The following SLC27A1 variants were observed in gnomAD, a reference collection of about 807,000 sequenced individuals.
SLC27A1 encodes long-chain fatty acid transport protein 1.
Under a neutral mutation model 62.2 loss-of-function variants are expected in SLC27A1, and 61 were observed. That is an observed-to-expected ratio of 0.98 (90% CI 0.80 to 1.21). The LOEUF (loss-of-function observed/expected upper bound fraction) is 1.21. Among genes scored for constraint, SLC27A1 ranks in the 50% most tolerant of loss-of-function variants. SLC27A1 has a pLI of 0.00. For missense variants in SLC27A1, 903 were observed against 932.1 expected, an observed-to-expected ratio of 0.97 and a Z score of 0.41; for synonymous variants, 435 against 408.6, an observed-to-expected ratio of 1.06 and a Z score of -0.78.
At chr19:17,476,537 C>CAAAA (rs11332045) in intron 1 of SLC27A1, among the ~76,000 whole-genome samples, 1 of 96,062 alleles carries the variant, frequency 1.0e-5, no homozygotes, top group Non-Finnish European at 2.2e-5. Flanking sequence ...GACTCTGTCT[C>CAAAA]AAAAAAAAAA....
At chr19:17,473,135 G>A (rs150130413) in intron 1 of SLC27A1, among the ~76,000 whole-genome samples, 8 of 152,000 alleles carry the variant, frequency 5.3e-5, no homozygotes, top group Middle Eastern at 6.8e-3. Context: ...GTTCTGCCAC[G>A]TTGCCCAGGC....
Position 17,477,240 on chromosome 19 carries a change from C to CTTTTTTTTT in SLC27A1, c.167+6549_167+6557dup, listed in dbSNP as rs1221324202. On this transcript the variant is annotated intron_variant, in intron 1 of 11. Transcript: ENST00000252595. The stretch of plus-strand genomic sequence containing the variant: ...TTATTGGTTGAATGGATGAGCAGCG[C>CTTTTTTTTT]TTTTTTTTTTTTTTTTTTTTTTTTG... Among the ~76,000 whole-genome samples, 296 of 43,820 alleles carry CTTTTTTTTT rather than the reference C, an allele frequency of 6.8e-3. 46 individuals carry two copies. The highest frequency in any genetic ancestry group is 7.6e-3 in the Non-Finnish European group (190 of 24,868). 28.7% of individuals were successfully genotyped at this position (43,820 alleles called of 152,430 possible).
At chr19:17,487,378 A>ACC in intron 3 of SLC27A1, 43 bp downstream of exon 3, 3 of 1,520,670 alleles carry the variant, frequency 2.0e-6, no homozygotes, top group Non-Finnish European at 2.7e-6. Flanking sequence ...CTGGTTTCCT[A>ACC]CCCGCCCAGG....
intron 10 of SLC27A1, 59 bp downstream of exon 10, chr19:17,500,935 A>G: frequency 6.6e-7 from 1 of 1,504,170 alleles, no homozygotes; most frequent in East Asian, 2.3e-5. Flanking sequence ...CTCAGCCAAA[A>G]GGGGCTTAGA....
At position 17,499,853 on chromosome 19, in the gene SLC27A1, G is replaced by A. The variant is rs1445706295; in HGVS notation, c.1207-425G>A. The A allele has an allele frequency of 3.6e-5, 6 of 165,412 alleles. No homozygotes were observed. In the East Asian group the frequency reaches 7.2e-4, roughly 20 times the overall value. The allele number at this position is 165,412 out of a possible 1,614,324, so 10.2% of individuals were successfully genotyped here. A position where few individuals can be genotyped will look rare whatever the true frequency, so the allele number is the denominator to read the frequency against. ...AGGAAGGGAGGAACGGAGGAAGGGG[G>A]AAAAGCAGAAAGAAACACACCAGAC... is the stretch of plus-strand genomic sequence containing the variant. On this transcript the variant is annotated intron_variant, in intron 7 of 11. Coordinates refer to ENST00000252595, the MANE Select transcript of SLC27A1 (RefSeq NM_198580.3).
intron 6 of SLC27A1, among the ~76,000 whole-genome samples, chr19:17,493,628 CTTT>C (rs773482808): frequency 7.0e-6 from 1 of 143,660 alleles, no homozygotes. Flanking sequence ...TAGAACCTTA[CTTT>C]TTTTTTTTTT....
At position 17,489,018 on chromosome 19, in the gene SLC27A1, C is replaced by T. The variant is rs923987157; in HGVS notation, c.897C>T (p.Ile299=). 2.4e-5 allele frequency: 38 copies of T among 1,614,022 alleles called. No homozygotes were observed. The highest frequency in any genetic ancestry group is 3.0e-5 in the Non-Finnish European group (35 of 1,180,016). The change falls in exon 6 of 12, where the codon ATC becomes ATT. Residue 299 remains isoleucine, a synonymous_variant. Coordinates refer to ENST00000252595, the MANE Select transcript of SLC27A1 (RefSeq NM_198580.3). The part of the protein sequence containing the change: ...LPLYHSAGNI[I]GVGQCLIYGL... Reference sequence around the variant, plus strand: ...GGCCACCCTCTGCAGGAAACATCATCGGCGTGGGGCAGTGTCTCATCTATG... The same window carrying T: ...GGCCACCCTCTGCAGGAAACATCATTGGCGTGGGGCAGTGTCTCATCTATG...
intron 6 of SLC27A1, among the ~76,000 whole-genome samples, chr19:17,493,269 A>G (rs1035944500): frequency 6.7e-6 from 1 of 150,116 alleles, no homozygotes; most frequent in Admixed American, 6.6e-5. Flanking sequence ...CCCCATCTCT[A>G]CAAAAACAAT....
chr19:17,470,780 G>T, intron 1 of SLC27A1, 73 bp downstream of exon 1: 1 of 1,392,166 alleles, frequency 7.2e-7, no homozygotes, highest in Non-Finnish European at 9.3e-7. Flanking sequence ...TGCAGGGCTG[G>T]GTTGCGGGGA....
chr19:17,479,114 A>G (rs937814129), intron 1 of SLC27A1, among the ~76,000 whole-genome samples: 1 of 152,056 alleles, frequency 6.6e-6, no homozygotes, highest in African/African-American at 2.4e-5. Context: ...TAAAAAATTT[A>G]AAAAATTATC....
intron 7 of SLC27A1, chr19:17,498,599 C>T (rs556824688): frequency 1.2e-4 from 24 of 202,856 alleles, no homozygotes; most frequent in African/African-American, 5.2e-4. Context: ...TGTGCGGAGA[C>T]GAGAGATTGT....
At chr19:17,471,131 C>T (rs2075072584) in intron 1 of SLC27A1, among the ~76,000 whole-genome samples, 1 of 150,848 alleles carries the variant, frequency 6.6e-6, no homozygotes, top group Non-Finnish European at 1.5e-5. Context: ...GGGGGCTCTC[C>T]AGTAGGTCAC....
In SLC27A1 at chr19:17,486,030, C is replaced by A. The variant is rs955973876; in HGVS notation, c.168-533C>A. On this transcript the variant is annotated intron_variant, in intron 1 of 11. Coordinates refer to ENST00000252595, the MANE Select transcript of SLC27A1 (RefSeq NM_198580.3). This position sits in a 1 kb window ranked among gnomAD's most constrained non-coding sequence, Gnocchi z 6.6. ...GGCTTGGCATTGGTCCTTACACCCC[C>A]CATCCACTGGCACATCTCCTGGCCC... is the stretch of plus-strand genomic sequence containing the variant. Among the ~76,000 whole-genome samples, 2 of 152,142 alleles carry A rather than the reference C, an allele frequency of 1.3e-5. No homozygotes were observed. The highest frequency in any genetic ancestry group is 2.9e-5 in the Non-Finnish European group (2 of 68,018).
In SLC27A1 at chr19:17,501,431, C is replaced by T. The variant is rs2075411782; in HGVS notation, c.1783+12C>T. 2 of 1,608,574 alleles carry T rather than the reference C, an allele frequency of 1.2e-6. No individual in the cohort carries two copies. Among genetic ancestry groups the T allele is most frequent in the Admixed American group, 1.7e-5 (1 of 59,614 alleles). ...GGTGGACACCACAGGTGCGAGTCTC[C>T]CCCACTCCAATCTCTCTCTTCATCC... is the stretch of plus-strand genomic sequence containing the variant. On this transcript the variant is annotated intron_variant, in intron 11 of 11. Coordinates refer to ENST00000252595, the MANE Select transcript of SLC27A1 (RefSeq NM_198580.3).
At chr19:17,484,508 C>T (rs886891579) in intron 1 of SLC27A1, among the ~76,000 whole-genome samples, 1 of 151,970 alleles carries the variant, frequency 6.6e-6, no homozygotes. Context: ...GGGAGGATTG[C>T]TTGAGCCTGG....
chr19:17,473,413 C>A (rs1211214715), intron 1 of SLC27A1, among the ~76,000 whole-genome samples: 2 of 152,162 alleles, frequency 1.3e-5, no homozygotes, highest in Non-Finnish European at 2.9e-5. Flanking sequence ...ATTTTGATTT[C>A]CAATTCACCT....
At chr19:17,482,473 A>G (rs1319908227) in intron 1 of SLC27A1, among the ~76,000 whole-genome samples, 1 of 152,066 alleles carries the variant, frequency 6.6e-6, no homozygotes, top group African/African-American at 2.4e-5. Flanking sequence ...TAACATGGTG[A>G]AACCCCGTCT....
Position 17,497,474 on chromosome 19 carries a change from G to A in SLC27A1, c.1206+10G>A, listed in dbSNP as rs998007439. 6.2e-7 allele frequency: 1 copy of A among 1,600,330 alleles called. No individual in the cohort carries two copies. The highest frequency in any genetic ancestry group is 8.5e-7 in the Non-Finnish European group (1 of 1,175,016). On this transcript the variant is annotated intron_variant, in intron 7 of 11. Transcript: ENST00000252595. ...CAACATGGACGGCAAGGTGCACACCGGCAGGGCCCCGGGGCAGGTCTCGGA... is the reference window on the plus strand; with the variant it reads ...CAACATGGACGGCAAGGTGCACACCAGCAGGGCCCCGGGGCAGGTCTCGGA...
At chr19:17,503,268 G>A (rs1265242002) in intron 11 of SLC27A1, among the ~76,000 whole-genome samples, 1 of 151,228 alleles carries the variant, frequency 6.6e-6, no homozygotes, top group East Asian at 2.0e-4. Context: ...GGGTCTCACT[G>A]TGTTGCCCAG....
Sources: allele counts gnomAD v4.1 joint callset (sites outside exome capture counted in the v4.1 genomes callset), GRCh38; gene constraint gnomAD v4.1.1; non-coding constraint Gnocchi (gnomAD v3.1); transcripts MANE v1.5; gene names NCBI Gene and HGNC (gene_info 2026-07-23, HGNC 2026-07-21).